Variants in ADARB2 observed in about 807,000 individuals in gnomAD.
ADARB2 encodes the protein adenosine deaminase RNA specific B2 (inactive), also known as inactive double-stranded RNA-specific editase B2.
Under a neutral mutation model 62.2 loss-of-function variants are expected in ADARB2, and 25 were observed. The ratio of observed to expected loss-of-function variants is 0.40; its 90% confidence interval spans 0.29 to 0.56. The LOEUF is 0.56. ADARB2 is among the 20% of genes least tolerant of loss of function. The pLI is 0.43. For synonymous variants in ADARB2, 572 were observed against 500.8 expected, an observed-to-expected ratio of 1.14 and a Z score of -1.90; for missense variants, 1,071 against 1,077.4, an observed-to-expected ratio of 0.99 and a Z score of 0.08.
chr10:1,689,354 G>A (rs1225843513), intron 1 of ADARB2, among the ~76,000 whole-genome samples: 2 of 152,160 alleles, frequency 1.3e-5, no homozygotes, highest in Non-Finnish European at 2.9e-5. Context: ...ATGAAGAGAG[G>A]CAGACTTAGA....
intron 1 of ADARB2, among the ~76,000 whole-genome samples, chr10:1,493,481 C>G (rs1325591088): frequency 6.6e-6 from 1 of 152,128 alleles, no homozygotes; most frequent in African/African-American, 2.4e-5. Flanking sequence ...GTCTGTTTCT[C>G]TGTGTGCTAC....
intron 3 of ADARB2, among the ~76,000 whole-genome samples, chr10:1,315,683 C>T (rs114434140): frequency 0.013 from 1,989 of 152,306 alleles, 51 homozygotes; most frequent in African/African-American, 0.045. Context: ...CAGGTGAAGA[C>T]GCCCCTTCCC....
intron 3 of ADARB2, among the ~76,000 whole-genome samples, chr10:1,319,622 C>T (rs1372890099): frequency 6.6e-6 from 1 of 152,196 alleles, no homozygotes; most frequent in Non-Finnish European, 1.5e-5. Context: ...TGAAAAGAGT[C>T]TATTCCATGA....
At chr10:1,364,755 A>C (rs560214665) in intron 2 of ADARB2, among the ~76,000 whole-genome samples, 17 of 152,274 alleles carry the variant, frequency 1.1e-4, no homozygotes, top group South Asian at 4.1e-4. Context: ...TCGGCTTCCC[A>C]GGTATCGTGT....
chr10:1,475,002 G>C (rs2131919877), intron 1 of ADARB2, among the ~76,000 whole-genome samples: 1 of 152,232 alleles, frequency 6.6e-6, no homozygotes, highest in East Asian at 1.9e-4. Context: ...CAGTGGGTGG[G>C]ACCCTGGTCT....
chr10:1,335,039 G>C (rs1041913135), intron 3 of ADARB2, among the ~76,000 whole-genome samples: 1 of 152,146 alleles, frequency 6.6e-6, no homozygotes, highest in Admixed American at 6.5e-5. Flanking sequence ...AAGTGCCCAG[G>C]AGCTACATTT....
At chr10:1,434,434 T>C (rs748376040) in intron 1 of ADARB2, among the ~76,000 whole-genome samples, 7 of 152,162 alleles carry the variant, frequency 4.6e-5, no homozygotes, top group African/African-American at 7.2e-5. Context: ...CAGGCCTCCG[T>C]AGCAACTGTT....
chr10:1,376,202 G>A (rs1415622194), intron 2 of ADARB2, among the ~76,000 whole-genome samples: 1 of 152,210 alleles, frequency 6.6e-6, no homozygotes, highest in Admixed American at 6.5e-5. Flanking sequence ...TCATTTGCCG[G>A]TTTGTCTTTG....
In ADARB2 at chr10:1,646,749, A is replaced by G. The variant is rs79473376; in HGVS notation, c.100+90302T>C. Among the ~76,000 whole-genome samples, 3 of 152,176 alleles carry G rather than the reference A, an allele frequency of 2.0e-5. No homozygotes were observed. The East Asian group carries it at 5.8e-4, about 29-fold the overall frequency. On this transcript the variant is annotated intron_variant, in intron 1 of 9. Coordinates refer to ENST00000381312, the MANE Select transcript of ADARB2 (RefSeq NM_018702.4). ...TCCCTTTTTGTTCATTTGTTTTCAC[A>G]TGTGGGAGGGGGTGTGTGATGTGCT...
intron 3 of ADARB2, among the ~76,000 whole-genome samples, chr10:1,330,090 C>G (rs924362639): frequency 2.6e-5 from 4 of 152,064 alleles, no homozygotes; most frequent in Non-Finnish European, 5.9e-5. Flanking sequence ...CCTGGATAAT[C>G]AGTGAATTTT....
rs189828458 is a variant in ADARB2 at position 1,733,668 on chromosome 10, G to A, written c.100+3383C>T. ...AACCCTTTTTCTTTATTATTTTTTG[G>A]TTAAAGTGTATCCTTTTTTAATACG... is the stretch of plus-strand genomic sequence containing the variant. On this transcript the variant is annotated intron_variant, in intron 1 of 9. Transcript: ENST00000381312. 3.7e-3 allele frequency among the ~76,000 whole-genome samples: 570 copies of A among 152,064 alleles called. 4 individuals carry two copies. The highest frequency in any genetic ancestry group is 0.013 in the African/African-American group (548 of 41,512).
chr10:1,303,587 A>G (rs1831595802), intron 3 of ADARB2, among the ~76,000 whole-genome samples: 1 of 151,880 alleles, frequency 6.6e-6, no homozygotes, highest in African/African-American at 2.4e-5. Context: ...CAGATTCACC[A>G]AAGTTGAAAT....
intron 1 of ADARB2, among the ~76,000 whole-genome samples, chr10:1,517,722 A>G (rs886112965): frequency 2.0e-5 from 3 of 152,110 alleles, no homozygotes; most frequent in African/African-American, 7.2e-5. Context: ...GTGAGAGTCC[A>G]TTTTCATGAA....
At chr10:1,422,299 T>C (rs1456707845) in intron 1 of ADARB2, among the ~76,000 whole-genome samples, 1 of 152,220 alleles carries the variant, frequency 6.6e-6, no homozygotes, top group African/African-American at 2.4e-5. Flanking sequence ...GAGTTTTCAG[T>C]GCTCTGATTC....
intron 6 of ADARB2, among the ~76,000 whole-genome samples, chr10:1,223,352 T>A (rs1004918872): frequency 6.6e-6 from 1 of 152,232 alleles, no homozygotes; most frequent in Non-Finnish European, 1.5e-5. Context: ...TACAGTCATG[T>A]CATCTGCAAA....
chr10:1,303,086 C>T (rs1405517234), intron 3 of ADARB2, among the ~76,000 whole-genome samples: 2 of 151,902 alleles, frequency 1.3e-5, no homozygotes, highest in South Asian at 2.1e-4. Context: ...CTCTGAGCTA[C>T]GGGAGGACAT....
chr10:1,219,287 A>G (rs1262829310), intron 6 of ADARB2, among the ~76,000 whole-genome samples: 1 of 152,244 alleles, frequency 6.6e-6, no homozygotes, highest in Non-Finnish European at 1.5e-5. Context: ...GGACTAATAC[A>G]GTGCTGAATG....
Position 1,233,682 on chromosome 10 carries a change from A to G in ADARB2, c.1513+12T>C, listed in dbSNP as rs752792780. ...CTGTTGGCCTACAGAAGGTAAAAGC[A>G]TGGTCTCTTACGGTCTGTGGTGATC... On this transcript the variant is annotated intron_variant, in intron 6 of 9. Coordinates refer to ENST00000381312, the MANE Select transcript of ADARB2 (RefSeq NM_018702.4). The G allele has an allele frequency of 3.7e-6, 6 of 1,603,058 alleles. No individual in the cohort carries two copies. Among genetic ancestry groups the G allele is most frequent in the East Asian group, 4.5e-5 (2 of 44,522 alleles).
At chr10:1,629,708 C>T (rs1351367686) in intron 1 of ADARB2, among the ~76,000 whole-genome samples, 2 of 152,174 alleles carry the variant, frequency 1.3e-5, no homozygotes, top group East Asian at 3.9e-4. Context: ...CCATCCCTGA[C>T]AAGACACGTT....
Sources: allele counts gnomAD v4.1 joint callset (sites outside exome capture counted in the v4.1 genomes callset), GRCh38; gene constraint gnomAD v4.1.1; transcripts MANE v1.5; gene names NCBI Gene and HGNC (gene_info 2026-07-23, HGNC 2026-07-21).